The following AHI1 variants were observed in gnomAD, a reference collection of about 807,000 sequenced individuals.
AHI1 encodes Abelson helper integration site 1.
Under a neutral mutation model 149.3 loss-of-function variants are expected in AHI1, and 123 were observed. The observed-to-expected ratio is 0.82, with a 90% CI of 0.71 to 0.96. The LOEUF is 0.96. AHI1 is among the 40% of genes least tolerant of loss of function. AHI1 has a pLI of 0.00. For missense variants in AHI1, 1,439 were observed against 1,422.7 expected (o/e 1.01, Z -0.18); for synonymous variants, 475 against 459.8 (o/e 1.03, Z -0.42).
chr6:135,351,972 T>C (rs1191717902), intron 24 of AHI1, among the ~76,000 whole-genome samples: 1 of 152,182 alleles, frequency 6.6e-6, no homozygotes, highest in Admixed American at 6.5e-5. Flanking sequence ...GGATCTCCCT[T>C]TTTAACTACA....
intron 24 of AHI1, 148 bp downstream of exon 24, chr6:135,357,984 T>C: frequency 1.6e-6 from 1 of 643,120 alleles, no homozygotes; most frequent in East Asian, 2.9e-5. Context: ...TATTTCTAAG[T>C]TAACAACATT....
At chr6:135,288,598 T>C (rs1028224745) in intron 28 of AHI1, among the ~76,000 whole-genome samples, 1 of 152,022 alleles carries the variant, frequency 6.6e-6, no homozygotes, top group African/African-American at 2.4e-5. Flanking sequence ...AATCATTTTT[T>C]ACTTAAAAAT....
intron 24 of AHI1, among the ~76,000 whole-genome samples, chr6:135,354,172 T>A (rs1018855167): frequency 6.6e-6 from 1 of 152,124 alleles, no homozygotes; most frequent in African/African-American, 2.4e-5. Flanking sequence ...CTTTGTTCTC[T>A]CTACCGGGGT....
In AHI1 at chr6:135,289,510, A is replaced by AC. The variant is rs199962427; in HGVS notation, c.3588+912_3588+913insG. ...ACGTCTCAAAACAACAACAACAACA[A>AC]AAAAAAGAGTATTACTCTTCCATGG... On this transcript the variant is annotated intron_variant, in intron 28 of 28. Coordinates refer to ENST00000265602, the MANE Select transcript of AHI1 (RefSeq NM_001134831.2). 7.8e-4 allele frequency among the ~76,000 whole-genome samples: 119 copies of AC among 152,018 alleles called. 2 individuals are homozygous for AC. In the East Asian group the frequency reaches 0.021, roughly 27 times the overall value.
At chr6:135,387,839 AT>A (rs887059067) in intron 23 of AHI1, 51 of 1,456,544 alleles carry the variant, frequency 3.5e-5, no homozygotes, top group Non-Finnish European at 4.3e-5. Context: ...TATTAAATGT[AT>A]TGTGTTGATT....
chr6:135,380,272 G>A (rs570744171), intron 23 of AHI1, among the ~76,000 whole-genome samples: 3 of 152,104 alleles, frequency 2.0e-5, no homozygotes, highest in Non-Finnish European at 4.4e-5. Flanking sequence ...GAAAAGAAAT[G>A]CATCTGTAAT....
At chr6:135,347,554 GTGA>G (rs916771728) in intron 24 of AHI1, among the ~76,000 whole-genome samples, 3 of 152,170 alleles carry the variant, frequency 2.0e-5, no homozygotes, top group African/African-American at 7.2e-5. Context: ...TTGGCAAACG[GTGA>G]TGATAATAAT....
intron 24 of AHI1, among the ~76,000 whole-genome samples, chr6:135,329,168 T>C (rs987242593): frequency 6.6e-6 from 1 of 152,226 alleles, no homozygotes; most frequent in African/African-American, 2.4e-5. Flanking sequence ...CTAGGTAAGA[T>C]CACTAATGAA....
At chr6:135,382,926 AATATATATAT>A (rs1217996100) in intron 23 of AHI1, among the ~76,000 whole-genome samples, 19 of 30,498 alleles carry the variant, frequency 6.2e-4, no homozygotes, top group African/African-American at 2.1e-3. Context: ...AAAAAAAAAA[AATATATATAT>A]ATATATATAT....
intron 22 of AHI1, among the ~76,000 whole-genome samples, chr6:135,397,631 G>T (rs1779405933): frequency 6.6e-6 from 1 of 151,996 alleles, no homozygotes; most frequent in African/African-American, 2.4e-5. Context: ...CTAGACGGGG[G>T]TTAATTTTCA....
chr6:135,370,169 T>C (rs896751468), intron 23 of AHI1, among the ~76,000 whole-genome samples: 1 of 152,194 alleles, frequency 6.6e-6, no homozygotes, highest in Non-Finnish European at 1.5e-5. Flanking sequence ...GCTCACCATT[T>C]CCTTTTTCAG....
Position 135,285,512 on chromosome 6 carries a change from A to T in AHI1, c.*133T>A. 1.0e-6 allele frequency: 1 copy of T among 953,016 alleles called. No homozygotes were observed. Among genetic ancestry groups the T allele is most frequent in the Non-Finnish European group, 1.6e-6 (1 of 617,792 alleles). 59.0% of individuals were successfully genotyped at this position (953,016 alleles called of 1,614,324 possible). ...GATTCTGATTTTTCTAGAGTCATTC[A>T]TAAGAACAAGAAGTAGTGGATCCTT... On this transcript the variant is annotated 3_prime_UTR_variant, in exon 29 of 29. Coordinates refer to ENST00000265602, the MANE Select transcript of AHI1 (RefSeq NM_001134831.2).
intron 25 of AHI1, 69 bp downstream of exon 25, chr6:135,323,093 G>C (rs1787119915): frequency 6.9e-7 from 1 of 1,448,772 alleles, no homozygotes; most frequent in Admixed American, 2.4e-5. Flanking sequence ...TTAAAGACTA[G>C]AAAATGATAA....
At chr6:135,424,747 C>T (rs1455591714) in intron 20 of AHI1, among the ~76,000 whole-genome samples, 2 of 151,900 alleles carry the variant, frequency 1.3e-5, no homozygotes, top group African/African-American at 4.8e-5. Context: ...CCACTGTGGT[C>T]TCATTCACAA....
chr6:135,353,026 T>A (rs554269924), intron 24 of AHI1, among the ~76,000 whole-genome samples: 1 of 151,360 alleles, frequency 6.6e-6, no homozygotes, highest in Admixed American at 6.6e-5. Context: ...AAAAGAGAAA[T>A]GGAGGAAAAA....
intron 27 of AHI1, among the ~76,000 whole-genome samples, chr6:135,293,406 G>GAAAAAAAAAAAAAAAAAAAAAAAAA (rs71547029): frequency 2.7e-4 from 18 of 65,616 alleles, no homozygotes; most frequent in South Asian, 4.5e-4. Flanking sequence ...AAAAAAAAAA[G>GAAAAAAAAAAAAAAAAAAAAAAAAA]AAAAAAAAAA....
intron 24 of AHI1, among the ~76,000 whole-genome samples, chr6:135,324,551 C>CATATATATATATATATATATAT (rs3071751): frequency 6.9e-6 from 1 of 144,812 alleles, no homozygotes; most frequent in African/African-American, 2.5e-5. Flanking sequence ...GTTATATATA[C>CATATATATATATATATATATAT]ATATATATAT....
chr6:135,463,003 T>C (rs547238224), intron 8 of AHI1, 122 bp downstream of exon 8: 142 of 717,654 alleles, frequency 2.0e-4, no homozygotes, highest in Non-Finnish European at 8.6e-5. Context: ...CAAGAACAAG[T>C]ACCAAATATC....
rs973386619 is a variant in AHI1, at chr6:135,332,289, C to T, written c.3166-8965G>A. Among the ~76,000 whole-genome samples the T allele has an allele frequency of 3.9e-5, 6 of 152,292 alleles. No individual in the cohort carries two copies. The East Asian group carries it at 9.7e-4, about 25-fold the overall frequency. ...TTCACCACGTTGGTCAGGCTGGTCT[C>T]GATCTCCTGACCTCGTGATCTGCCT... On this transcript the variant is annotated intron_variant, in intron 24 of 28. Transcript: ENST00000265602.
Sources: gnomAD v4.1 joint callset for allele counts (sites outside exome capture counted in the v4.1 genomes callset) on GRCh38, gnomAD v4.1.1 for gene constraint, MANE v1.5 for transcripts, NCBI Gene and HGNC (gene_info 2026-07-23, HGNC 2026-07-21) for gene names.